The following CDH8 variants were observed in gnomAD, a reference collection of about 807,000 sequenced individuals.
The protein encoded by CDH8 is cadherin 8.
A neutral mutation model predicts 68.1 loss-of-function variants in CDH8; 17 were observed. The observed-to-expected ratio is 0.25, with a 90% CI of 0.17 to 0.37. The LOEUF is 0.37. Ranked by LOEUF, CDH8 falls within the 10% of genes least tolerant of loss-of-function variation. The probability of loss-of-function intolerance (pLI) is 1.00; values close to 1 mark genes in which losing one functional copy is unlikely to be tolerated. For missense variants in CDH8, 763 were observed against 999.3 expected, an observed-to-expected ratio of 0.76 and a Z score of 3.19; for synonymous variants, 372 against 365.1, an observed-to-expected ratio of 1.02 and a Z score of -0.21.
intron 8 of CDH8, among the ~76,000 whole-genome samples, chr16:61,766,363 G>A (rs2142978459): frequency 6.6e-6 from 1 of 151,948 alleles, no homozygotes; most frequent in Non-Finnish European, 1.5e-5. Context: ...ACATACATAT[G>A]CTACATTTTC....
chr16:61,695,943 A>G (rs1043933152), intron 10 of CDH8, among the ~76,000 whole-genome samples: 1 of 152,190 alleles, frequency 6.6e-6, no homozygotes, highest in Non-Finnish European at 1.5e-5. Flanking sequence ...ATGGATTGAT[A>G]GCTGCTATCA....
chr16:61,731,388 G>A (rs1959532113), intron 8 of CDH8, among the ~76,000 whole-genome samples: 1 of 151,628 alleles, frequency 6.6e-6, no homozygotes, highest in African/African-American at 2.4e-5. Flanking sequence ...TCATACCGTG[G>A]AACAAATTAT....
At chr16:61,952,973 T>G (rs1964921351) in intron 2 of CDH8, among the ~76,000 whole-genome samples, 2 of 152,260 alleles carry the variant, frequency 1.3e-5, no homozygotes, top group South Asian at 4.1e-4. Flanking sequence ...TATGTTGAAA[T>G]TTAAATCCCC....
chr16:61,761,456 A>C, intron 8 of CDH8, among the ~76,000 whole-genome samples: 1 of 152,162 alleles, frequency 6.6e-6, no homozygotes, highest in East Asian at 1.9e-4. Flanking sequence ...TGGCTATTGG[A>C]AAAGGAAGTT....
At chr16:61,966,178 A>G (rs1175231509) in intron 2 of CDH8, among the ~76,000 whole-genome samples, 1 of 152,184 alleles carries the variant, frequency 6.6e-6, no homozygotes, top group East Asian at 1.9e-4. Flanking sequence ...TGCTTTTTTC[A>G]AGAAGACATA....
intron 4 of CDH8, among the ~76,000 whole-genome samples, chr16:61,838,480 A>T (rs571756899): frequency 6.6e-5 from 10 of 152,222 alleles, no homozygotes; most frequent in Non-Finnish European, 1.2e-4. Context: ...TCTCCGCAAG[A>T]TTCTCTGCAG....
intron 10 of CDH8, among the ~76,000 whole-genome samples, chr16:61,690,591 T>C (rs948787115): frequency 6.6e-6 from 1 of 152,050 alleles, no homozygotes; most frequent in African/African-American, 2.4e-5. Flanking sequence ...TATATTATAG[T>C]AGCTATTGAT....
intron 7 of CDH8, among the ~76,000 whole-genome samples, chr16:61,808,121 CAGA>C (rs1347932777): frequency 6.6e-6 from 1 of 152,150 alleles, no homozygotes; most frequent in Non-Finnish European, 1.5e-5. Context: ...TAGTGTCATA[CAGA>C]AGAATGCATA....
At chr16:61,798,100 A>AC (rs995057185) in intron 7 of CDH8, among the ~76,000 whole-genome samples, 1 of 152,240 alleles carries the variant, frequency 6.6e-6, no homozygotes, top group African/African-American at 2.4e-5. Context: ...TTTACATAAT[A>AC]CTTTTGAAAA....
intron 2 of CDH8, among the ~76,000 whole-genome samples, chr16:61,927,219 A>G (rs1481295829): frequency 3.3e-5 from 5 of 152,182 alleles, no homozygotes; most frequent in African/African-American, 9.7e-5. Flanking sequence ...CTATATTGCT[A>G]CAGGGATAAT....
intron 1 of CDH8, among the ~76,000 whole-genome samples, chr16:62,033,544 T>C (rs1389318878): frequency 2.6e-5 from 4 of 152,176 alleles, no homozygotes; most frequent in Non-Finnish European, 5.9e-5. Flanking sequence ...CTGTAAATGA[T>C]AAAGCAGAAG....
chr16:61,884,667 C>T (rs961526166), intron 3 of CDH8, among the ~76,000 whole-genome samples: 5 of 152,180 alleles, frequency 3.3e-5, no homozygotes, highest in African/African-American at 9.7e-5. Context: ...AGCCACTGCA[C>T]TTGGACCCTT....
At chr16:62,029,079 T>A (rs973170596) in intron 1 of CDH8, among the ~76,000 whole-genome samples, 3 of 152,160 alleles carry the variant, frequency 2.0e-5, no homozygotes, top group Admixed American at 6.5e-5. Context: ...CTATCGTTCA[T>A]GAAATAAGTC....
intron 3 of CDH8, among the ~76,000 whole-genome samples, chr16:61,862,214 C>A (rs1220540901): frequency 6.6e-6 from 1 of 151,940 alleles, no homozygotes; most frequent in East Asian, 1.9e-4. Context: ...TAATCTATCT[C>A]ACATCACCTT....
intron 8 of CDH8, among the ~76,000 whole-genome samples, chr16:61,732,353 C>A (rs890560755): frequency 6.6e-6 from 1 of 151,598 alleles, no homozygotes; most frequent in Non-Finnish European, 1.5e-5. Flanking sequence ...CATTTTGAGA[C>A]CAGCGGGAGG....
intron 10 of CDH8, among the ~76,000 whole-genome samples, chr16:61,683,379 C>G (rs540561657): frequency 1.3e-5 from 2 of 152,032 alleles, no homozygotes; most frequent in African/African-American, 4.8e-5. Context: ...AATTAACAGA[C>G]CTTTAGAAGG....
intron 8 of CDH8, among the ~76,000 whole-genome samples, chr16:61,778,467 A>C (rs557271656): frequency 3.3e-5 from 5 of 152,148 alleles, no homozygotes; most frequent in Admixed American, 6.6e-5. Context: ...GAAGTAACAC[A>C]CAGGCCATAA....
At chr16:61,978,432 T>C (rs529851230) in intron 2 of CDH8, among the ~76,000 whole-genome samples, 18 of 152,340 alleles carry the variant, frequency 1.2e-4, no homozygotes, top group African/African-American at 3.6e-4. Flanking sequence ...TGTTTTTGTA[T>C]AGCAAACACA....
chr16:61,824,889 C>A, intron 5 of CDH8, 123 bp downstream of exon 5: 1 of 769,364 alleles, frequency 1.3e-6, no homozygotes. Context: ...CATGCCATAC[C>A]TGGCACATAA....
Sources: gnomAD v4.1 joint callset for allele counts (sites outside exome capture counted in the v4.1 genomes callset) on GRCh38, gnomAD v4.1.1 for gene constraint, MANE v1.5 for transcripts, NCBI Gene and HGNC (gene_info 2026-07-23, HGNC 2026-07-21) for gene names.